INPP4B: variants seen among roughly 807,000 people sequenced by gnomAD.
INPP4B encodes the protein inositol polyphosphate-4-phosphatase type II B.
Under a neutral mutation model 122.5 loss-of-function variants are expected in INPP4B, and 55 were observed. The observed-to-expected ratio is 0.45, with a 90% CI of 0.36 to 0.56. The LOEUF is 0.56. Among genes scored for constraint, INPP4B ranks in the 20% least tolerant of loss-of-function variants. The pLI, the probability that INPP4B is intolerant of heterozygous loss-of-function variation, is 0.00. For synonymous variants in INPP4B, 403 were observed against 388.7 expected, an observed-to-expected ratio of 1.04 and a Z score of -0.43; for missense variants, 1,000 against 1,097.7, an observed-to-expected ratio of 0.91 and a Z score of 1.26.
intron 5 of INPP4B, chr4:142,423,757 A>G (rs1379723196): frequency 7.0e-6 from 3 of 428,388 alleles, no homozygotes; most frequent in Admixed American, 2.9e-5. Flanking sequence ...ATCCGCTTCC[A>G]TAGAAAAAAA....
At chr4:142,132,058 C>A (rs998967878) in intron 18 of INPP4B, among the ~76,000 whole-genome samples, 3 of 151,946 alleles carry the variant, frequency 2.0e-5, no homozygotes, top group African/African-American at 7.3e-5. Flanking sequence ...GTGAACATCA[C>A]CATATTTATG....
At chr4:142,780,918 T>C (rs1002404171) in intron 1 of INPP4B, among the ~76,000 whole-genome samples, 4 of 152,320 alleles carry the variant, frequency 2.6e-5, no homozygotes, top group Admixed American at 2.6e-4. Context: ...TCTTTTTCGG[T>C]TGTGAATATA....
intron 1 of INPP4B, among the ~76,000 whole-genome samples, chr4:142,786,712 G>A (rs148441623): frequency 1.3e-5 from 2 of 152,188 alleles, no homozygotes; most frequent in African/African-American, 4.8e-5. Context: ...GATAAAAAAG[G>A]CACTCTACAT....
chr4:142,563,545 T>C (rs963620326), intron 2 of INPP4B, among the ~76,000 whole-genome samples: 12 of 152,146 alleles, frequency 7.9e-5, no homozygotes, highest in African/African-American at 2.9e-4. Flanking sequence ...ACACTGTAAA[T>C]TACAATCATC....
chr4:142,250,025 T>A, intron 11 of INPP4B, among the ~76,000 whole-genome samples: 1 of 152,248 alleles, frequency 6.6e-6, no homozygotes, highest in East Asian at 1.9e-4. Context: ...TTATGAGTTA[T>A]ATTGTTAGAA....
intron 25 of INPP4B, among the ~76,000 whole-genome samples, chr4:142,042,702 A>ACAGG (rs1306010403): frequency 6.6e-6 from 1 of 152,138 alleles, no homozygotes. Context: ...AGCTGGAATT[A>ACAGG]CAGGCACGCG....
Position 142,071,230 on chromosome 4 carries a change from T to C in INPP4B, c.2642+10801A>G, listed in dbSNP as rs189603026. Among the ~76,000 whole-genome samples, 1,009 of 152,150 alleles carry C rather than the reference T, an allele frequency of 6.6e-3. 9 individuals carry two copies. Among genetic ancestry groups the C allele is most frequent in the African/African-American group, 0.023 (945 of 41,508 alleles). ...TGACAAACCTGACAAAAACAAGAAA[T>C]AGGGAAAGGATTCCCTATTTAATAA... is the stretch of plus-strand genomic sequence containing the variant. On this transcript the variant is annotated intron_variant, in intron 25 of 25. Coordinates refer to ENST00000262992, the MANE Select transcript of INPP4B (RefSeq NM_001101669.3).
At chr4:142,571,190 GCT>G (rs1463265619) in intron 2 of INPP4B, among the ~76,000 whole-genome samples, 1 of 151,080 alleles carries the variant, frequency 6.6e-6, no homozygotes, top group Non-Finnish European at 1.5e-5. Context: ...AATCCACCCA[GCT>G]CCTGCCTTTA....
At chr4:142,334,235 G>A (rs571506722) in intron 7 of INPP4B, among the ~76,000 whole-genome samples, 26 of 152,070 alleles carry the variant, frequency 1.7e-4, no homozygotes, top group Non-Finnish European at 2.1e-4. Context: ...ATGTATACAC[G>A]CACATATACA....
chr4:142,062,168 T>A (rs1761252692), intron 25 of INPP4B, among the ~76,000 whole-genome samples: 1 of 151,956 alleles, frequency 6.6e-6, no homozygotes, highest in Non-Finnish European at 1.5e-5. Context: ...GAAAAGCATA[T>A]CTCCTTGCAG....
chr4:142,150,328 G>T (rs1355044827), intron 17 of INPP4B, among the ~76,000 whole-genome samples: 4 of 152,168 alleles, frequency 2.6e-5, no homozygotes, highest in African/African-American at 9.7e-5. Flanking sequence ...ATCCTGCTTA[G>T]CTCCCTGCCA....
chr4:142,378,725 C>CCTTA (rs540830781), intron 7 of INPP4B, among the ~76,000 whole-genome samples: 1 of 152,068 alleles, frequency 6.6e-6, no homozygotes, highest in Non-Finnish European at 1.5e-5. Context: ...AAGTTTAAAG[C>CCTTA]CTTACTTAAT....
chr4:142,490,356 T>C (rs1821727226), intron 2 of INPP4B, among the ~76,000 whole-genome samples: 1 of 152,162 alleles, frequency 6.6e-6, no homozygotes, highest in Non-Finnish European at 1.5e-5. Context: ...CCCAATGTGC[T>C]GGGATTACAG....
intron 2 of INPP4B, among the ~76,000 whole-genome samples, chr4:142,585,059 G>T (rs975534061): frequency 3.3e-5 from 5 of 152,164 alleles, no homozygotes; most frequent in African/African-American, 1.2e-4. Context: ...AGCACTGTGT[G>T]TGTGGTGGTG....
intron 3 of INPP4B, among the ~76,000 whole-genome samples, chr4:142,437,450 A>G (rs975948744): frequency 1.3e-5 from 2 of 152,098 alleles, no homozygotes; most frequent in Non-Finnish European, 2.9e-5. Context: ...CCCAAGACAC[A>G]TAATCACCAT....
At chr4:142,468,375 T>C (rs1299692953) in intron 2 of INPP4B, among the ~76,000 whole-genome samples, 2 of 152,116 alleles carry the variant, frequency 1.3e-5, no homozygotes, top group African/African-American at 4.8e-5. Context: ...CTGAGTGAGA[T>C]ACAATTTAGA....
chr4:142,724,669 A>G (rs1765113356), intron 2 of INPP4B, among the ~76,000 whole-genome samples: 1 of 152,142 alleles, frequency 6.6e-6, no homozygotes, highest in African/African-American at 2.4e-5. Flanking sequence ...GGATAGGGTG[A>G]CTACCCTTAG....
chr4:142,044,320 G>C (rs1232021226), intron 25 of INPP4B, among the ~76,000 whole-genome samples: 1 of 152,100 alleles, frequency 6.6e-6, no homozygotes, highest in Non-Finnish European at 1.5e-5. Context: ...CTGGGGGAAT[G>C]CTTACATTTG....
chr4:142,191,256 T>C (rs956351109), intron 15 of INPP4B, among the ~76,000 whole-genome samples: 2 of 152,058 alleles, frequency 1.3e-5, no homozygotes, highest in Non-Finnish European at 2.9e-5. Flanking sequence ...TTCTATAATG[T>C]CCCAAACTGG....
Sources: allele counts gnomAD v4.1 joint callset (sites outside exome capture counted in the v4.1 genomes callset), GRCh38; gene constraint gnomAD v4.1.1; transcripts MANE v1.5; gene names NCBI Gene and HGNC (gene_info 2026-07-23, HGNC 2026-07-21).